MAMSTR: variants seen among roughly 807,000 people sequenced by gnomAD.
The protein encoded by MAMSTR is MEF2-activating motif and SAP domain-containing transcriptional regulator.
A neutral mutation model predicts 42.7 loss-of-function variants in MAMSTR; 41 were observed. The ratio of observed to expected loss-of-function variants is 0.96; its 90% confidence interval spans 0.75 to 1.25. The LOEUF is 1.25. MAMSTR is among the 50% of genes most tolerant of loss of function. The pLI is 0.00. For synonymous variants in MAMSTR, 265 were observed against 244.1 expected, an observed-to-expected ratio of 1.09 and a Z score of -0.80; for missense variants, 567 against 557.6, an observed-to-expected ratio of 1.02 and a Z score of -0.17.
downstream of MAMSTR, among the ~76,000 whole-genome samples, chr19:48,710,464 C>T (rs1352981990): frequency 6.8e-6 from 1 of 146,412 alleles, no homozygotes; most frequent in Non-Finnish European, 1.5e-5. Flanking sequence ...ATCTGTTGCC[C>T]AGGCTGGAGT....
At chr19:48,715,530 C>T in intron 4 of MAMSTR, 84 bp from the exon 5 acceptor site, 11 of 1,472,358 alleles carry the variant, frequency 7.5e-6, no homozygotes, top group Non-Finnish European at 9.9e-6. Context: ...ATGGGGTCAG[C>T]TCGGTGCCAC....
Position 48,713,230 on chromosome 19 carries a change from C to A in MAMSTR, c.*37G>T, listed in dbSNP as rs761265109. The A allele has an allele frequency of 1.3e-6, 2 of 1,537,432 alleles. No individual in the cohort carries two copies. Among genetic ancestry groups the A allele is most frequent in the Non-Finnish European group, 1.7e-6 (2 of 1,144,522 alleles). ...CTCCCACAAGGAGCTTCTCTCCACC[C>A]CCATCAGTTCTCTGTCTCTGTAAAT... On this transcript the variant is annotated 3_prime_UTR_variant, in exon 10 of 10. Coordinates refer to ENST00000318083, the MANE Select transcript of MAMSTR (RefSeq NM_001130915.2).
chr19:48,707,905 G>GAAGA (rs1252598995), downstream of MAMSTR, among the ~76,000 whole-genome samples: 1 of 105,452 alleles, frequency 9.5e-6, no homozygotes, highest in Admixed American at 9.2e-5. Context: ...AGAAAGAAAG[G>GAAGA]AAGAAAGAAA....
downstream of MAMSTR, among the ~76,000 whole-genome samples, chr19:48,708,424 T>C (rs2032685045): frequency 6.6e-6 from 1 of 152,126 alleles, no homozygotes; most frequent in Non-Finnish European, 1.5e-5. Context: ...ATGATGTAAA[T>C]ATCCACCTTC....
chr19:48,707,109 C>A, the MAMSTR span, among the ~76,000 whole-genome samples: 1 of 151,754 alleles, frequency 6.6e-6, no homozygotes, highest in Non-Finnish European at 1.5e-5. Flanking sequence ...CCATCACTAA[C>A]AAAATTTTTA....
downstream of MAMSTR, among the ~76,000 whole-genome samples, chr19:48,708,148 C>T (rs890473533): frequency 5.4e-5 from 8 of 149,200 alleles, no homozygotes; most frequent in Non-Finnish European, 1.2e-4. Flanking sequence ...GCAGGAGAAT[C>T]GCTTGAACCC....
downstream of MAMSTR, among the ~76,000 whole-genome samples, chr19:48,707,888 A>AAAAG (rs1227957540): frequency 1.2e-5 from 1 of 80,418 alleles, no homozygotes; most frequent in East Asian, 5.0e-4. Flanking sequence ...AGAAAGAAAG[A>AAAAG]AAAGAAAGAA....
chr19:48,716,645 A>G, intron 3 of MAMSTR, 60 bp downstream of exon 3: 5 of 1,312,810 alleles, frequency 3.8e-6, no homozygotes, highest in Non-Finnish European at 4.9e-6. Flanking sequence ...GCTGTATTCC[A>G]GGATATCCCA....
chr19:48,716,205 G>C (rs1167232842), intron 3 of MAMSTR, among the ~76,000 whole-genome samples: 1 of 151,716 alleles, frequency 6.6e-6, no homozygotes, highest in African/African-American at 2.4e-5. Flanking sequence ...GTGAAACTCC[G>C]TCTCTACTAA....
At chr19:48,708,800 C>T (rs928230456), downstream of MAMSTR, among the ~76,000 whole-genome samples, 4 of 151,844 alleles carry the variant, frequency 2.6e-5, no homozygotes, top group African/African-American at 9.7e-5. Context: ...GAGAGATGAG[C>T]GCAGAGACTG....
Position 48,719,171 on chromosome 19 carries a change from A to G in MAMSTR, c.-21-119T>C. On this transcript the variant is annotated intron_variant, in intron 1 of 9. Transcript: ENST00000318083. This position sits in a 1 kb window ranked among gnomAD's most constrained non-coding sequence, Gnocchi z 4.4. Reference sequence around the variant, plus strand: ...AGGGCCCGAAGGAGGTGGGAATAGGAGCAGCCTTGGGCCATAACTTCCGGA... The same window carrying G: ...AGGGCCCGAAGGAGGTGGGAATAGGGGCAGCCTTGGGCCATAACTTCCGGA... The G allele has an allele frequency of 1.4e-6, 1 of 706,832 alleles. No homozygotes were observed. Among genetic ancestry groups the G allele is most frequent in the South Asian group, 1.6e-5 (1 of 63,104 alleles). The allele number at this position is 706,832 out of a possible 1,614,324, so 43.8% of individuals were successfully genotyped here.
chr19:48,715,952 A>G (rs2122333045), intron 3 of MAMSTR, 185 bp from the exon 4 acceptor site: 2 of 1,396,776 alleles, frequency 1.4e-6, no homozygotes, highest in Non-Finnish European at 1.8e-6. Flanking sequence ...TCCGGTTGCT[A>G]CATTCTCAAG....
downstream of MAMSTR, among the ~76,000 whole-genome samples, chr19:48,710,965 G>A (rs1164601243): frequency 6.6e-6 from 1 of 152,128 alleles, no homozygotes; most frequent in African/African-American, 2.4e-5. Flanking sequence ...TGGGCTGGAG[G>A]TTCCTGGGAG....
intron 4 of MAMSTR, 51 bp downstream of exon 4, chr19:48,715,574 G>C: frequency 6.7e-7 from 1 of 1,501,034 alleles, no homozygotes; most frequent in Middle Eastern, 1.7e-4. Flanking sequence ...AGCAACAAGG[G>C]AGACAAAGAC....
chr19:48,717,026 T>G (rs2033070182), intron 2 of MAMSTR: 2 of 1,088,534 alleles, frequency 1.8e-6, no homozygotes, highest in Admixed American at 5.2e-5. Flanking sequence ...GCCCCCTCCA[T>G]GAGCAAGCGT....
intron 6 of MAMSTR, 52 bp from the exon 7 acceptor site, chr19:48,714,612 G>A: frequency 1.4e-6 from 2 of 1,424,670 alleles, no homozygotes; most frequent in Non-Finnish European, 1.9e-6. Context: ...GCTCCCGGGC[G>A]CAGGCAGGAG....
downstream of MAMSTR, among the ~76,000 whole-genome samples, chr19:48,707,901 A>AAAGAAAGG (rs1555755230): frequency 7.8e-6 from 1 of 128,452 alleles, no homozygotes; most frequent in African/African-American, 3.0e-5. Context: ...AGAAAGAAAG[A>AAAGAAAGG]AAGGAAGAAA....
chr19:48,715,933 TG>T (rs758391179), intron 3 of MAMSTR, 166 bp from the exon 4 acceptor site: 15 of 1,412,852 alleles, frequency 1.1e-5, no homozygotes, highest in Admixed American at 3.5e-5. Context: ...GGCGGAGGTG[TG>T]GGGGGGCTCC....
downstream of MAMSTR, among the ~76,000 whole-genome samples, chr19:48,709,470 T>G (rs1399133594): frequency 1.3e-5 from 2 of 152,210 alleles, no homozygotes; most frequent in African/African-American, 4.8e-5. Context: ...CTTTTCCACC[T>G]GCAGTGGACA....
Sources: gnomAD v4.1 joint callset for allele counts (sites outside exome capture counted in the v4.1 genomes callset) on GRCh38, gnomAD v4.1.1 for gene constraint, Gnocchi (gnomAD v3.1) non-coding constraint, MANE v1.5 for transcripts, NCBI Gene and HGNC (gene_info 2026-07-23, HGNC 2026-07-21) for gene names.